Variants in TMBIM6 observed in about 807,000 individuals in gnomAD.
TMBIM6 encodes the protein transmembrane BAX inhibitor motif containing 6.
TMBIM6 carries 13 observed loss-of-function variants against 31.4 expected under a neutral mutation model. The ratio of observed to expected loss-of-function variants is 0.41; its 90% CI spans 0.27 to 0.66. TMBIM6 has a LOEUF of 0.66. TMBIM6 is among the 30% of genes least tolerant of loss of function. The pLI is 0.28. For missense variants in TMBIM6, 275 were observed against 289.5 expected (o/e 0.95, Z 0.36); for synonymous variants, 85 against 101.7 (o/e 0.84, Z 0.99).
At chr12:49,752,438 G>A in intron 1 of TMBIM6, 26 bp from the exon 2 acceptor site, 1 of 1,418,362 alleles carries the variant, frequency 7.1e-7, no homozygotes, top group South Asian at 1.2e-5. Context: ...ATGACTTAAT[G>A]ACTCTAACCT....
chr12:49,748,437 G>A (rs929028363), intron 1 of TMBIM6, among the ~76,000 whole-genome samples: 3 of 152,164 alleles, frequency 2.0e-5, no homozygotes, highest in Non-Finnish European at 4.4e-5. Context: ...GTGTTTACTT[G>A]AGTTTTTTCT....
At chr12:49,762,483 G>A (rs1183785619) in intron 9 of TMBIM6, among the ~76,000 whole-genome samples, 1 of 152,240 alleles carries the variant, frequency 6.6e-6, no homozygotes, top group African/African-American at 2.4e-5. Flanking sequence ...TTTGCAGGGT[G>A]GAGCACTTCT....
intron 4 of TMBIM6, 34 bp from the exon 5 acceptor site, chr12:49,758,193 C>A (rs373091744): frequency 1.2e-6 from 2 of 1,613,290 alleles, no homozygotes; most frequent in Non-Finnish European, 1.7e-6. Context: ...AAGAATTGAT[C>A]GTAATACTGT....
In TMBIM6 at chr12:49,764,651, C is replaced by CT. The variant is rs3832813; in HGVS notation, c.*1760dup. 0.21 allele frequency: 30,903 copies of CT among 148,764 alleles called. 5,287 individuals carry two copies. The highest frequency in any genetic ancestry group is 0.48 in the African/African-American group (19,272 of 39,954). The allele number at this position is 148,764 out of a possible 1,614,324, so 9.2% of individuals were successfully genotyped here. On this transcript the variant is annotated 3_prime_UTR_variant, in exon 10 of 10. Coordinates refer to ENST00000267115, the MANE Select transcript of TMBIM6 (RefSeq NM_003217.3). ...TTGAAGCCAAACTCCACCTTCTGTGCTTTTTGCTTGGGATAATGGAGTTTT... is the reference window on the plus strand; with the variant it reads ...TTGAAGCCAAACTCCACCTTCTGTGCTTTTTTGCTTGGGATAATGGAGTTTT...
chr12:49,752,862 G>T, intron 2 of TMBIM6, 111 bp from the exon 3 acceptor site: 1 of 1,020,678 alleles, frequency 9.8e-7, no homozygotes, highest in South Asian at 1.6e-5. Flanking sequence ...CAAACTATTT[G>T]TAACAGAACT....
At chr12:49,744,865 AT>A (rs1945361104) in intron 1 of TMBIM6, among the ~76,000 whole-genome samples, 1 of 152,174 alleles carries the variant, frequency 6.6e-6, no homozygotes. Flanking sequence ...AAGATTATGT[AT>A]TTAGGATTTT....
intron 1 of TMBIM6, among the ~76,000 whole-genome samples, chr12:49,744,889 G>A (rs1835729887): frequency 6.6e-6 from 1 of 152,162 alleles, no homozygotes; most frequent in African/African-American, 2.4e-5. Flanking sequence ...GGCCTTCTTA[G>A]GATTCAGTAT....
chr12:49,742,434 G>A, intron 1 of TMBIM6: 1 of 1,075,882 alleles, frequency 9.3e-7, no homozygotes, highest in African/African-American at 1.7e-5. Flanking sequence ...TTTACTGAGT[G>A]TAGAATTACT....
intron 1 of TMBIM6, 133 bp from the exon 2 acceptor site, chr12:49,752,331 G>C (rs1945509137): frequency 1.9e-6 from 1 of 530,532 alleles, no homozygotes; most frequent in Non-Finnish European, 3.3e-6. Context: ...AAATAAAAAT[G>C]GTTGTGTTAG....
intron 9 of TMBIM6, 159 bp downstream of exon 9, chr12:49,761,938 T>G: frequency 3.1e-6 from 2 of 642,332 alleles, no homozygotes; most frequent in Non-Finnish European, 5.0e-6. Flanking sequence ...TCTTCAGTTG[T>G]TAGAAAAAAA....
chr12:49,760,111 C>CAAA (rs796352103), intron 8 of TMBIM6, among the ~76,000 whole-genome samples: 3 of 83,536 alleles, frequency 3.6e-5, no homozygotes, highest in African/African-American at 3.7e-5. Flanking sequence ...GACTCCTTCT[C>CAAA]AAAAAAAAAA....
intron 7 of TMBIM6, 153 bp downstream of exon 7, chr12:49,758,915 G>A (rs1945660172): frequency 6.9e-6 from 5 of 719,562 alleles, no homozygotes; most frequent in East Asian, 2.7e-5. Flanking sequence ...TCTGCCACAA[G>A]TGAAAACAGG....
At chr12:49,762,101 A>C (rs1945730847) in intron 9 of TMBIM6, 1 of 273,764 alleles carries the variant, frequency 3.7e-6, no homozygotes, top group African/African-American at 2.2e-5. Flanking sequence ...GGACGTTGTA[A>C]ATTTCAGAAG....
intron 4 of TMBIM6, among the ~76,000 whole-genome samples, chr12:49,756,348 A>C (rs907779162): frequency 1.4e-5 from 2 of 146,268 alleles, no homozygotes; most frequent in East Asian, 2.2e-4. Context: ...GTTGGCCAGG[A>C]TGGTGTTGAT....
rs1439380306 is a variant in TMBIM6, at chr12:49,762,901, ACCAT to A, written c.*9_*12del. On this transcript the variant is annotated 3_prime_UTR_variant, in exon 10 of 10. Coordinates refer to ENST00000267115, the MANE Select transcript of TMBIM6 (RefSeq NM_003217.3). Reference sequence around the variant, plus strand: ...AAGAAGAAAGAGAAGAAATGAAGTGACCATCCAGCCTTTCCCAATTAGACTTCCT... The same window carrying A: ...AAGAAGAAAGAGAAGAAATGAAGTGACCAGCCTTTCCCAATTAGACTTCCT... 2 of 1,612,578 alleles carry A rather than the reference ACCAT, an allele frequency of 1.2e-6. No individual in the cohort carries two copies. Among genetic ancestry groups the A allele is most frequent in the Admixed American group, 1.7e-5 (1 of 60,002 alleles).
chr12:49,744,563 G>A (rs891007419), intron 1 of TMBIM6: 10 of 152,204 alleles, frequency 6.6e-5, no homozygotes, highest in Non-Finnish European at 1.5e-5. Flanking sequence ...CTCTGAGCCA[G>A]CTGGGGAATG....
chr12:49,759,191 T>C, intron 7 of TMBIM6, 30 bp from the exon 8 acceptor site: 1 of 1,585,366 alleles, frequency 6.3e-7, no homozygotes, highest in Non-Finnish European at 8.7e-7. Flanking sequence ...ACTTCTGCTG[T>C]ATAGTAACTT....
chr12:49,754,888 AT>A (rs1945560188), intron 3 of TMBIM6, among the ~76,000 whole-genome samples: 1 of 152,208 alleles, frequency 6.6e-6, no homozygotes. Context: ...TACTGTTAAC[AT>A]TTTAGTACTT....
At position 49,762,946 on chromosome 12, in the gene TMBIM6, A is replaced by G. The variant is rs371163791; in HGVS notation, c.*50A>G. 4 of 1,595,486 alleles carry G rather than the reference A, an allele frequency of 2.5e-6. No homozygotes were observed. The highest frequency in any genetic ancestry group is 2.7e-5 in the African/African-American group (2 of 74,500). ...TAGACTTCCTCTCCTTCCACCCCTCATTTCCTTTTTGCACACATTACAGGT... is the reference window on the plus strand; with the variant it reads ...TAGACTTCCTCTCCTTCCACCCCTCGTTTCCTTTTTGCACACATTACAGGT... On this transcript the variant is annotated 3_prime_UTR_variant, in exon 10 of 10. Coordinates refer to ENST00000267115, the MANE Select transcript of TMBIM6 (RefSeq NM_003217.3).
Sources: gnomAD v4.1 joint callset for allele counts (sites outside exome capture counted in the v4.1 genomes callset) on GRCh38, gnomAD v4.1.1 for gene constraint, MANE v1.5 for transcripts, NCBI Gene and HGNC (gene_info 2026-07-23, HGNC 2026-07-21) for gene names.